Variants in ABCC9 observed in about 807,000 individuals in gnomAD.
ABCC9 encodes ATP-binding cassette sub-family C member 9.
In ABCC9, 95 loss-of-function variants were observed where a neutral mutation model predicts 188.3. The ratio of observed to expected loss-of-function variants is 0.50; its 90% CI spans 0.43 to 0.60. ABCC9 has a LOEUF of 0.60. Ranked by LOEUF, ABCC9 falls within the 20% of genes least tolerant of loss-of-function variation. ABCC9 has a pLI of 0.00. For synonymous variants in ABCC9, 659 were observed against 652.7 expected (o/e 1.01, Z -0.15); for missense variants, 1,102 against 1,876.3 (o/e 0.59, Z 7.62).
chr12:21,873,639 G>A (rs1344664107), intron 17 of ABCC9, among the ~76,000 whole-genome samples: 1 of 152,072 alleles, frequency 6.6e-6, no homozygotes, highest in Admixed American at 6.5e-5. Flanking sequence ...AAAGCTGGAG[G>A]TATCACACTT....
chr12:21,927,289 G>A (rs1949080049), intron 4 of ABCC9, among the ~76,000 whole-genome samples: 1 of 152,194 alleles, frequency 6.6e-6, no homozygotes, highest in African/African-American at 2.4e-5. Context: ...TAGGTAAGCG[G>A]TATGATCAGA....
intron 30 of ABCC9, among the ~76,000 whole-genome samples, chr12:21,834,818 C>T (rs911295756): frequency 6.6e-6 from 1 of 150,858 alleles, no homozygotes; most frequent in African/African-American, 2.4e-5. Context: ...CACACACACA[C>T]ACACACACAG....
intron 13 of ABCC9, among the ~76,000 whole-genome samples, chr12:21,894,571 T>C (rs1254600496): frequency 1.4e-5 from 1 of 72,160 alleles, no homozygotes; most frequent in African/African-American, 5.5e-5. Flanking sequence ...TGTGGATCTT[T>C]ACTAAAACTG....
intron 3 of ABCC9, among the ~76,000 whole-genome samples, chr12:21,935,404 T>G (rs748814894): frequency 2.0e-5 from 3 of 152,170 alleles, no homozygotes; most frequent in Non-Finnish European, 4.4e-5. Flanking sequence ...GGCCTGTGTA[T>G]ATACCATATG....
rs1010294433 is a variant in ABCC9 at position 21,812,667 on chromosome 12, G to C, written c.4103-510C>G. Reference sequence around the variant, plus strand: ...TGAACAATGAGAACACATGGACACAGGTTGGGGAACATCACACACTGGGGC... The same window carrying C: ...TGAACAATGAGAACACATGGACACACGTTGGGGAACATCACACACTGGGGC... On this transcript the variant is annotated intron_variant, in intron 35 of 39. Coordinates refer to ENST00000261200, the MANE Select transcript of ABCC9 (RefSeq NM_020297.4). Among the ~76,000 whole-genome samples, 4 of 152,230 alleles carry C rather than the reference G, an allele frequency of 2.6e-5. 1 individual carries two copies. The South Asian group carries it at 8.3e-4, about 32-fold the overall frequency.
At chr12:21,823,830 T>C (rs979542823) in intron 31 of ABCC9, among the ~76,000 whole-genome samples, 1 of 152,250 alleles carries the variant, frequency 6.6e-6, no homozygotes, top group Non-Finnish European at 1.5e-5. Flanking sequence ...CCGGCTTCAC[T>C]TGGCACCCAG....
Position 21,904,136 on chromosome 12 carries a change from C to T in ABCC9, c.1618+1990G>A, listed in dbSNP as rs576250259. Among the ~76,000 whole-genome samples, 1,349 of 150,984 alleles carry T rather than the reference C, an allele frequency of 8.9e-3. 17 individuals carry two copies. The highest frequency in any genetic ancestry group is 0.028 in the African/African-American group (1,136 of 40,956). ...CAGAAATAATACCACACATCTGCAACCATCTGATCTTTGACAAACCTGACA... is the reference window on the plus strand; with the variant it reads ...CAGAAATAATACCACACATCTGCAATCATCTGATCTTTGACAAACCTGACA... On this transcript the variant is annotated intron_variant, in intron 12 of 39. Transcript: ENST00000261200.
At chr12:21,865,903 C>T (rs1488162134) in intron 18 of ABCC9, among the ~76,000 whole-genome samples, 2 of 151,996 alleles carry the variant, frequency 1.3e-5, no homozygotes, top group Admixed American at 6.6e-5. Flanking sequence ...GGAATAAGGG[C>T]TGAGACAGGT....
intron 29 of ABCC9, 83 bp from the exon 30 acceptor site, chr12:21,838,253 T>G (rs1323561789): frequency 1.4e-5 from 15 of 1,061,900 alleles, no homozygotes; most frequent in Non-Finnish European, 2.2e-5. Context: ...AGAAAGTTAT[T>G]TTGTCACTGT....
chr12:21,844,826 G>C lies in ABCC9; in HGVS notation c.3186C>G (p.Leu1062=). The C allele has an allele frequency of 6.2e-7, 1 of 1,613,962 alleles. No individual in the cohort carries two copies. Among genetic ancestry groups the C allele is most frequent in the Non-Finnish European group, 8.5e-7 (1 of 1,179,868 alleles). The part of the protein sequence containing the change: ...VTSLTVEWMG[L]TAAKNLHHNL... ...TGTGGTGAAGATTTTTGGCAGCTGT[G>C]AGACCCATCCATTCTACAGTGAGGG... The change falls in exon 27 of 40, where the codon CTC becomes CTG. Residue 1062 remains leucine, a synonymous_variant. Coordinates refer to ENST00000261200, the MANE Select transcript of ABCC9 (RefSeq NM_020297.4).
intron 14 of ABCC9, 128 bp from the exon 15 acceptor site, chr12:21,888,062 G>A (rs977300834): frequency 1.8e-5 from 13 of 731,686 alleles, no homozygotes; most frequent in Non-Finnish European, 2.7e-5. Context: ...CATTTTTCAA[G>A]ACCAACTGGG....
chr12:21,859,436 T>C, intron 22 of ABCC9, 150 bp downstream of exon 22: 1 of 782,148 alleles, frequency 1.3e-6, no homozygotes, highest in Non-Finnish European at 2.2e-6. Context: ...TCTACTAATC[T>C]GTACTTCAAG....
chr12:21,845,782 G>T lies in ABCC9; in HGVS notation c.2917C>A (p.Leu973Ile). 6.2e-7 allele frequency: 1 copy of T among 1,613,816 alleles called. No homozygotes were observed. The highest frequency in any genetic ancestry group is 8.5e-7 in the Non-Finnish European group (1 of 1,179,838). ...GTTTTCCATGGCATTTTAGTCCTGA[G>T]CCTCATTACAGTGGACATGTTATCA... The part of the protein sequence containing the change: ...EDDNMSTVMR[L>I]RTKMPWKTCW... The change falls in exon 26 of 40, where the codon CTC (leucine) becomes ATC (isoleucine). Residue 973 changes from leucine to isoleucine, a missense_variant. Leu to Ile is a conservative substitution (Grantham distance 5). Coordinates refer to ENST00000261200, the MANE Select transcript of ABCC9 (RefSeq NM_020297.4).
At position 21,916,321 on chromosome 12, in the gene ABCC9, C is replaced by T. The variant is rs1233552586; in HGVS notation, c.574-411G>A. Among the ~76,000 whole-genome samples, 3 of 152,174 alleles carry T rather than the reference C, an allele frequency of 2.0e-5. No individual in the cohort carries two copies. The East Asian group carries it at 5.8e-4, about 29-fold the overall frequency. ...ATGTTAACTGACTACTCTCCACATG[C>T]ATTGCAGCATATATCTTTCTACTCA... is the stretch of plus-strand genomic sequence containing the variant. On this transcript the variant is annotated intron_variant, in intron 6 of 39. Transcript: ENST00000261200.
At chr12:21,924,571 A>G (rs1041057643) in intron 5 of ABCC9, 2 of 152,110 alleles carry the variant, frequency 1.3e-5, no homozygotes, top group Non-Finnish European at 2.9e-5. Context: ...TTCCAGCAAT[A>G]TGATCAAATT....
Position 21,800,816 on chromosome 12 carries a change from A to G in ABCC9, c.*228T>C, listed in dbSNP as rs1239895830. On this transcript the variant is annotated 3_prime_UTR_variant, in exon 40 of 40. Transcript: ENST00000261200. ...TTACATGTTTTAATACAACCTAGCTATTCTTAAAGCTAGAGTGGCTGGATC... is the reference window on the plus strand; with the variant it reads ...TTACATGTTTTAATACAACCTAGCTGTTCTTAAAGCTAGAGTGGCTGGATC... The G allele has an allele frequency of 2.0e-5, 11 of 537,530 alleles. No homozygotes were observed. Among genetic ancestry groups the G allele is most frequent in the Non-Finnish European group, 3.6e-5 (11 of 301,780 alleles). 33.3% of individuals were successfully genotyped at this position (537,530 alleles called of 1,614,324 possible). A position where few individuals can be genotyped will look rare whatever the true frequency, so the allele number is the denominator to read the frequency against.
rs865937137 is a variant in ABCC9, at chr12:21,876,597, A to G, written c.2020-871T>C. Among the ~76,000 whole-genome samples the G allele has an allele frequency of 2.6e-5, 4 of 152,198 alleles. 1 individual carries two copies. Among genetic ancestry groups the G allele is most frequent in the Admixed American group, 6.5e-5 (1 of 15,282 alleles). ...ACCTTCTATTCATCCCACACAATCT[A>G]TTTGTTTTAACAAGCTTCAAGTGGA... is the stretch of plus-strand genomic sequence containing the variant. On this transcript the variant is annotated intron_variant, in intron 16 of 39. Transcript: ENST00000261200.
chr12:21,841,899 A>G (rs1000711169), intron 29 of ABCC9, among the ~76,000 whole-genome samples: 1 of 152,154 alleles, frequency 6.6e-6, no homozygotes, highest in African/African-American at 2.4e-5. Context: ...TCTAAATTCC[A>G]CATCTTATCT....
intron 3 of ABCC9, among the ~76,000 whole-genome samples, chr12:21,935,267 G>A (rs1030742555): frequency 1.3e-5 from 2 of 152,114 alleles, no homozygotes; most frequent in Non-Finnish European, 2.9e-5. Flanking sequence ...GCCAAAGGGC[G>A]TTCTTCATGG....
Sources: allele counts gnomAD v4.1 joint callset (sites outside exome capture counted in the v4.1 genomes callset), GRCh38; gene constraint gnomAD v4.1.1; transcripts MANE v1.5; gene names NCBI Gene and HGNC (gene_info 2026-07-23, HGNC 2026-07-21).